ODAD2: variants seen among roughly 807,000 people sequenced by gnomAD.
ODAD2 encodes outer dynein arm docking complex subunit 2.
ODAD2 carries 89 observed loss-of-function variants against 106.8 expected under a neutral mutation model. The ratio of observed to expected loss-of-function variants is 0.83; its 90% confidence interval spans 0.70 to 0.99. The LOEUF (loss-of-function observed/expected upper bound fraction) is 0.99, where lower values mean the gene tolerates loss of function less well. ODAD2 is among the 50% of genes least tolerant of loss of function. ODAD2 has a pLI of 0.00. For synonymous variants in ODAD2, 404 were observed against 436.2 expected (o/e 0.93, Z 0.92); for missense variants, 1,168 against 1,238.5 (o/e 0.94, Z 0.85).
chr10:27,824,392 T>G (rs1051581587), intron 19 of ODAD2, among the ~76,000 whole-genome samples: 4 of 152,140 alleles, frequency 2.6e-5, no homozygotes, highest in Non-Finnish European at 5.9e-5. Flanking sequence ...GGGGTTGGGC[T>G]CCTAATAAAT....
chr10:27,900,655 T>A (rs1843135427), intron 17 of ODAD2, among the ~76,000 whole-genome samples: 1 of 152,060 alleles, frequency 6.6e-6, no homozygotes, highest in African/African-American at 2.4e-5. Context: ...GCAAAAGAAC[T>A]TCGTGAAGCA....
At chr10:27,824,641 C>A (rs115826944) in intron 19 of ODAD2, among the ~76,000 whole-genome samples, 2 of 152,138 alleles carry the variant, frequency 1.3e-5, no homozygotes, top group Non-Finnish European at 2.9e-5. Context: ...TTATCTAGAA[C>A]GATCCATAGA....
chr10:27,917,657 T>C (rs1294267370), intron 16 of ODAD2, among the ~76,000 whole-genome samples: 1 of 152,054 alleles, frequency 6.6e-6, no homozygotes, highest in Non-Finnish European at 1.5e-5. Flanking sequence ...AAGGTCCAGA[T>C]AGTAAATATT....
At chr10:27,983,805 T>G (rs772280483) in intron 6 of ODAD2, 38 bp downstream of exon 6, 12 of 1,595,692 alleles carry the variant, frequency 7.5e-6, no homozygotes, top group Non-Finnish European at 8.6e-7. Context: ...ACAATCAAAG[T>G]CCACTGGCTT....
intron 17 of ODAD2, among the ~76,000 whole-genome samples, chr10:27,868,146 G>C (rs1038200155): frequency 6.6e-6 from 1 of 152,198 alleles, no homozygotes; most frequent in East Asian, 1.9e-4. Flanking sequence ...TCTCATGCCA[G>C]TGAGAATGAC....
chr10:27,934,946 T>G (rs1845858461), intron 16 of ODAD2, 64 bp downstream of exon 16: 3 of 1,574,356 alleles, frequency 1.9e-6, no homozygotes, highest in East Asian at 4.5e-5. Flanking sequence ...GACACTATTC[T>G]GTGACCTCCC....
chr10:27,825,773 C>T (rs1158211741), intron 19 of ODAD2, among the ~76,000 whole-genome samples: 2 of 152,132 alleles, frequency 1.3e-5, no homozygotes, highest in African/African-American at 4.8e-5. Flanking sequence ...GAATCCTTTA[C>T]AAATTAGACT....
At chr10:27,902,473 C>A (rs1184220667) in intron 17 of ODAD2, among the ~76,000 whole-genome samples, 4 of 151,912 alleles carry the variant, frequency 2.6e-5, no homozygotes, top group Non-Finnish European at 5.9e-5. Flanking sequence ...GTGATAGAGA[C>A]AGGAAAAACT....
chr10:27,964,783 C>T (rs3902895), intron 9 of ODAD2, among the ~76,000 whole-genome samples: 58,185 of 151,978 alleles, frequency 0.38, 12,401 homozygotes, highest in Middle Eastern at 0.58. Context: ...TTTATTTCTG[C>T]GTTTTCTTGT....
At chr10:27,973,618 A>C (rs1849001997) in intron 7 of ODAD2, among the ~76,000 whole-genome samples, 1 of 152,076 alleles carries the variant, frequency 6.6e-6, no homozygotes, top group African/African-American at 2.4e-5. Flanking sequence ...ACAGGATCAC[A>C]TTCTTTTTTA....
Position 27,995,200 on chromosome 10 carries a change from G to A in ODAD2, c.-38-20C>T. 1.9e-6 allele frequency: 3 copies of A among 1,588,050 alleles called. No individual in the cohort carries two copies. The East Asian group carries it at 6.8e-5, about 36-fold the overall frequency. Reference sequence around the variant, plus strand: ...CACGCACTACATCAGAGCAGAAAGAGAAAGAGACAACAGCGTCCACCTTTT... The same window carrying A: ...CACGCACTACATCAGAGCAGAAAGAAAAAGAGACAACAGCGTCCACCTTTT... On this transcript the variant is annotated intron_variant, in intron 1 of 19. Transcript: ENST00000305242.
intron 16 of ODAD2, among the ~76,000 whole-genome samples, chr10:27,915,490 T>C (rs1169519835): frequency 4.6e-5 from 7 of 152,122 alleles, no homozygotes. Flanking sequence ...TACCCTCACG[T>C]CCTAATCACT....
intron 19 of ODAD2, among the ~76,000 whole-genome samples, chr10:27,814,812 A>G (rs1382949556): frequency 6.6e-6 from 1 of 151,878 alleles, no homozygotes; most frequent in Non-Finnish European, 1.5e-5. Flanking sequence ...CATAAATCCA[A>G]CTCTGTTCTT....
chr10:27,905,588 G>A (rs193079999), intron 17 of ODAD2, among the ~76,000 whole-genome samples: 5 of 152,254 alleles, frequency 3.3e-5, no homozygotes, highest in Admixed American at 2.6e-4. Context: ...AACAAGGCTG[G>A]AGGCATCACA....
At chr10:27,846,018 A>G (rs1039051663) in intron 19 of ODAD2, among the ~76,000 whole-genome samples, 4 of 152,180 alleles carry the variant, frequency 2.6e-5, no homozygotes, top group African/African-American at 9.7e-5. Flanking sequence ...GACCAATGAG[A>G]CAGAAAGTTA....
At chr10:27,958,928 C>G (rs1847915562) in intron 10 of ODAD2, 1 of 1,303,862 alleles carries the variant, frequency 7.7e-7, no homozygotes, top group South Asian at 1.2e-5. Flanking sequence ...TATTCTGCTT[C>G]CTGATCCATC....
At chr10:27,899,840 T>A (rs982263682) in intron 17 of ODAD2, among the ~76,000 whole-genome samples, 1 of 152,050 alleles carries the variant, frequency 6.6e-6, no homozygotes, top group African/African-American at 2.4e-5. Flanking sequence ...AAAACTCCCA[T>A]CTCCCTGGGA....
intron 19 of ODAD2, among the ~76,000 whole-genome samples, chr10:27,816,803 A>C (rs1345486438): frequency 6.6e-6 from 1 of 152,032 alleles, no homozygotes; most frequent in Non-Finnish European, 1.5e-5. Context: ...GGCTGGAGTG[A>C]AGTGGTGTCA....
intron 16 of ODAD2, among the ~76,000 whole-genome samples, chr10:27,912,313 C>T (rs991260614): frequency 1.3e-4 from 20 of 152,064 alleles, no homozygotes; most frequent in African/African-American, 4.8e-4. Context: ...TACATGCTTT[C>T]AAGATCTTCA....
Sources: allele counts gnomAD v4.1 joint callset (sites outside exome capture counted in the v4.1 genomes callset), GRCh38; gene constraint gnomAD v4.1.1; transcripts MANE v1.5; gene names NCBI Gene and HGNC (gene_info 2026-07-23, HGNC 2026-07-21).